ZKSCAN3: variants seen among roughly 807,000 people sequenced by gnomAD.
ZKSCAN3 encodes zinc finger with KRAB and SCAN domains 3.
ZKSCAN3 carries 21 observed loss-of-function variants against 30.7 expected under a neutral mutation model. The observed-to-expected ratio is 0.68, with a 90% CI of 0.49 to 0.99. The LOEUF is 0.99. Ranked by LOEUF, ZKSCAN3 falls within the 50% of genes least tolerant of loss-of-function variation. ZKSCAN3 has a pLI of 0.00. For synonymous variants in ZKSCAN3, 201 were observed against 246.7 expected, an observed-to-expected ratio of 0.81 and a Z score of 1.73; for missense variants, 507 against 647.1, an observed-to-expected ratio of 0.78 and a Z score of 2.35.
intron 3 of ZKSCAN3, among the ~76,000 whole-genome samples, chr6:28,362,027 T>C (rs1214653253): frequency 6.6e-6 from 1 of 152,220 alleles, no homozygotes; most frequent in Non-Finnish European, 1.5e-5. Context: ...TCTCAAACTC[T>C]TGGGCTCAAG....
rs1416870506 is a variant in ZKSCAN3 at position 28,366,729 on chromosome 6, TA to T, written c.*447del. On this transcript the variant is annotated 3_prime_UTR_variant, in exon 6 of 6. Transcript: ENST00000252211. ...TCTGTGCCTTTTCTGCAGGTGCTAA[TA>T]AATGTTTATTGAATGTACCAGTGAG... 3 of 154,308 alleles carry T rather than the reference TA, an allele frequency of 1.9e-5. No individual in the cohort carries two copies. The allele number at this position is 154,308 out of a possible 1,614,324, so 9.6% of individuals were successfully genotyped here. A position where few individuals can be genotyped will look rare whatever the true frequency, so the allele number is the denominator to read the frequency against.
chr6:28,352,012 G>C (rs1180173121), intron 1 of ZKSCAN3, among the ~76,000 whole-genome samples: 3 of 147,178 alleles, frequency 2.0e-5, no homozygotes, highest in Non-Finnish European at 4.6e-5. Flanking sequence ...TTTTACAGTT[G>C]TTGTTTTCAG....
intron 1 of ZKSCAN3, chr6:28,353,735 A>G: frequency 2.3e-6 from 1 of 433,300 alleles, no homozygotes; most frequent in Non-Finnish European, 4.7e-6. Context: ...GTGATTAAAG[A>G]TAGTTCTGGG....
chr6:28,350,183 G>C (rs1764893024), intron 1 of ZKSCAN3, 116 bp downstream of exon 1: 1 of 152,392 alleles, frequency 6.6e-6, no homozygotes, highest in African/African-American at 2.4e-5. Flanking sequence ...CCTGCGAGAA[G>C]CCGTGGGGGA....
intron 4 of ZKSCAN3, 112 bp from the exon 5 acceptor site, chr6:28,363,580 C>A: frequency 1.3e-6 from 2 of 1,537,802 alleles, no homozygotes; most frequent in Non-Finnish European, 1.8e-6. Context: ...AGAGGCTTTT[C>A]CTGTTTATTA....
intron 5 of ZKSCAN3, among the ~76,000 whole-genome samples, chr6:28,365,179 A>T (rs1415459962): frequency 1.3e-5 from 2 of 152,096 alleles, no homozygotes; most frequent in Non-Finnish European, 2.9e-5. Flanking sequence ...ATAGTCCTGG[A>T]TCCTCACCGT....
At chr6:28,357,408 G>A (rs1765501170) in intron 1 of ZKSCAN3, among the ~76,000 whole-genome samples, 1 of 152,230 alleles carries the variant, frequency 6.6e-6, no homozygotes, top group Non-Finnish European at 1.5e-5. Flanking sequence ...AGGAAACCTG[G>A]CTTCAGAACA....
rs1304557318 is a variant in ZKSCAN3, at chr6:28,365,901, C to A, written c.1233C>A (p.Cys411Ter). 2 of 1,612,780 alleles carry A rather than the reference C, an allele frequency of 1.2e-6. No homozygotes were observed. The highest frequency in any genetic ancestry group is 1.3e-5 in the African/African-American group (1 of 74,818). Residue 411 changes from cysteine (C) to a stop codon, truncating the protein, a stop_gained, in exon 6 of 6, where the codon TGC (cysteine) becomes TGA (stop). Coordinates refer to ENST00000252211, the MANE Select transcript of ZKSCAN3 (RefSeq NM_024493.4). LOFTEE classifies it low-confidence loss of function (END_TRUNC). ...GTGGGAAGACCTTCAGCCAGAGCTG[C>A]AGCCTCCTTGAACATCACAGAATCC... ...DDCGKTFSQS[C>*]SLLEHHRIHT...
chr6:28,350,572 A>G (rs1764932086), intron 1 of ZKSCAN3, among the ~76,000 whole-genome samples: 1 of 151,964 alleles, frequency 6.6e-6, no homozygotes. Flanking sequence ...TCCCTAACTC[A>G]CTGGGTTGTT....
At chr6:28,353,697 C>G (rs1765216442) in intron 1 of ZKSCAN3, among the ~76,000 whole-genome samples, 1 of 152,052 alleles carries the variant, frequency 6.6e-6, no homozygotes. Flanking sequence ...GAGTCTACAG[C>G]CTAGAAATAG....
chr6:28,355,663 C>G (rs1036196017), intron 1 of ZKSCAN3: 1 of 152,238 alleles, frequency 6.6e-6, no homozygotes, highest in East Asian at 1.9e-4. Context: ...GGCTGCGTTG[C>G]TGCTTCTAAA....
intron 1 of ZKSCAN3, chr6:28,355,969 A>T (rs1243062896): frequency 6.6e-6 from 1 of 152,220 alleles, no homozygotes; most frequent in African/African-American, 2.4e-5. Context: ...GGCATGGGAG[A>T]GACATCCACA....
chr6:28,363,901 G>T, intron 5 of ZKSCAN3, 86 bp downstream of exon 5: 2 of 1,522,446 alleles, frequency 1.3e-6, no homozygotes, highest in Non-Finnish European at 1.8e-6. Flanking sequence ...AAGCTGTTGA[G>T]CCCTGTTATG....
chr6:28,365,203 C>T (rs1765910485), intron 5 of ZKSCAN3, among the ~76,000 whole-genome samples: 2 of 151,866 alleles, frequency 1.3e-5, no homozygotes, highest in Admixed American at 1.3e-4. Flanking sequence ...CTACCCACTC[C>T]CTCCACTCCC....
At chr6:28,359,157 G>C (rs1331373056) in intron 1 of ZKSCAN3, among the ~76,000 whole-genome samples, 1 of 152,126 alleles carries the variant, frequency 6.6e-6, no homozygotes, top group Admixed American at 6.5e-5. Context: ...CTGAGGATTA[G>C]GGCAGGAAAT....
intron 1 of ZKSCAN3, chr6:28,353,905 G>A (rs150145512): frequency 0.035 from 15,882 of 455,946 alleles, 374 homozygotes; most frequent in Middle Eastern, 0.064. Context: ...ACTGAGGTCC[G>A]AGGGGAGTTG....
chr6:28,363,881 G>C, intron 5 of ZKSCAN3, 66 bp downstream of exon 5: 1 of 1,580,930 alleles, frequency 6.3e-7, no homozygotes, highest in South Asian at 1.1e-5. Flanking sequence ...AGAACCTGTT[G>C]AGCTATTGGA....
intron 2 of ZKSCAN3, 29 bp downstream of exon 2, chr6:28,360,017 G>C: frequency 1.2e-6 from 2 of 1,614,186 alleles, no homozygotes; most frequent in Non-Finnish European, 1.7e-6. Context: ...GTATCTGAGC[G>C]CTGTGGCCTG....
At chr6:28,364,476 CAT>C (rs1338787369) in intron 5 of ZKSCAN3, among the ~76,000 whole-genome samples, 5 of 152,170 alleles carry the variant, frequency 3.3e-5, no homozygotes, top group Admixed American at 6.5e-5. Context: ...GCCTTGGGAC[CAT>C]AGAGTGTGAG....
Sources: gnomAD v4.1 joint callset for allele counts (sites outside exome capture counted in the v4.1 genomes callset) on GRCh38, gnomAD v4.1.1 for gene constraint, MANE v1.5 for transcripts, NCBI Gene and HGNC (gene_info 2026-07-23, HGNC 2026-07-21) for gene names.